The following FIG4 variants were observed in gnomAD, a reference collection of about 807,000 sequenced individuals.
FIG4 encodes the protein polyphosphoinositide phosphatase.
Under a neutral mutation model 118.6 loss-of-function variants are expected in FIG4, and 112 were observed. That is an observed-to-expected ratio of 0.94 (90% CI 0.81 to 1.11). The LOEUF (loss-of-function observed/expected upper bound fraction) is 1.11, where lower values mean the gene tolerates loss of function less well. Ranked by LOEUF, FIG4 falls within the 50% of genes least tolerant of loss-of-function variation. The probability of loss-of-function intolerance (pLI) is 0.00; values close to 1 mark genes in which losing one functional copy is unlikely to be tolerated. For synonymous variants in FIG4, 369 were observed against 381.2 expected (o/e 0.97, Z 0.37); for missense variants, 969 against 1,111.7 (o/e 0.87, Z 1.83).
chr6:109,752,307 A>G (rs991788621), intron 10 of FIG4, among the ~76,000 whole-genome samples: 164 of 151,216 alleles, frequency 1.1e-3, no homozygotes, highest in Non-Finnish European at 1.6e-3. Flanking sequence ...ATACGTGTGC[A>G]TGTGTCTTTA....
At chr6:109,814,232 C>T (rs557626249) in intron 22 of FIG4, among the ~76,000 whole-genome samples, 19 of 152,168 alleles carry the variant, frequency 1.2e-4, no homozygotes, top group Middle Eastern at 3.4e-3. Flanking sequence ...TTGACCTGCC[C>T]GGCTCAAGCG....
At chr6:109,708,880 C>A (rs6906729) in intron 1 of FIG4, among the ~76,000 whole-genome samples, 119,790 of 152,072 alleles carry the variant, frequency 0.79, 47,323 homozygotes, top group African/African-American at 0.86. Flanking sequence ...TCAGATGTAT[C>A]GTTAGTAAAA....
At position 109,743,658 on chromosome 6, in the gene FIG4, T is replaced by A. The variant is rs1476656802; in HGVS notation, c.1040-17T>A. 6 of 1,598,978 alleles carry A rather than the reference T, an allele frequency of 3.8e-6. No homozygotes were observed. In the African/African-American group the frequency reaches 8.0e-5, roughly 21 times the overall value. ...CAATTTTCATTCAGGTGCTTTTTCA[T>A]CTTTTTTCCTTCTCAGTGGATCAGG... On this transcript the variant is annotated splice_polypyrimidine_tract_variant and intron_variant, in intron 9 of 22. Transcript: ENST00000230124.
intron 10 of FIG4, among the ~76,000 whole-genome samples, chr6:109,754,777 G>A (rs1272380257): frequency 2.6e-5 from 4 of 151,976 alleles, no homozygotes; most frequent in Admixed American, 6.6e-5. Context: ...CTGTGGGATC[G>A]GTGGTGATAT....
At chr6:109,815,496 C>CGGGGGGGGGGGGGG (rs58181285) in intron 22 of FIG4, among the ~76,000 whole-genome samples, 3 of 106,516 alleles carry the variant, frequency 2.8e-5, no homozygotes, top group East Asian at 5.2e-4. Flanking sequence ...CTCCAGGCTG[C>CGGGGGGGGGGGGGG]CCCCCCCACC....
chr6:109,812,638 G>A (rs921611206), intron 22 of FIG4, among the ~76,000 whole-genome samples: 2 of 152,168 alleles, frequency 1.3e-5, no homozygotes, highest in African/African-American at 4.8e-5. Context: ...CAACAGGAAG[G>A]TTATTAATGA....
intron 10 of FIG4, among the ~76,000 whole-genome samples, chr6:109,749,253 G>T (rs1776612027): frequency 6.6e-6 from 1 of 151,996 alleles, no homozygotes; most frequent in Non-Finnish European, 1.5e-5. Context: ...AAATCATTCA[G>T]ATATTAAATA....
chr6:109,820,680 G>C (rs1291102225), intron 22 of FIG4, among the ~76,000 whole-genome samples: 1 of 152,096 alleles, frequency 6.6e-6, no homozygotes, highest in Non-Finnish European at 1.5e-5. Flanking sequence ...ATAGAGCCTG[G>C]TCGGTTCTGG....
intron 10 of FIG4, among the ~76,000 whole-genome samples, chr6:109,759,737 A>C (rs1303576208): frequency 6.6e-6 from 1 of 152,230 alleles, no homozygotes; most frequent in Admixed American, 6.5e-5. Context: ...CCACAGTGTA[A>C]AAAGAAAAAG....
chr6:109,731,120 T>G (rs181596228), intron 4 of FIG4, among the ~76,000 whole-genome samples: 9 of 152,320 alleles, frequency 5.9e-5, no homozygotes, highest in Non-Finnish European at 1.5e-5. Context: ...AAATGCAAAT[T>G]AAAAAGGTAC....
chr6:109,763,832 C>CAGCT (rs1326155631), intron 12 of FIG4, 105 bp from the exon 13 acceptor site: 2 of 805,292 alleles, frequency 2.5e-6, no homozygotes, highest in African/African-American at 1.7e-5. Flanking sequence ...CAGGAGCCTT[C>CAGCT]AGCTCTATTA....
intron 22 of FIG4, among the ~76,000 whole-genome samples, chr6:109,804,856 CT>C (rs564555971): frequency 6.6e-6 from 1 of 152,132 alleles, no homozygotes; most frequent in African/African-American, 2.4e-5. Flanking sequence ...TATAAAGAGA[CT>C]TTGAGTTCTT....
At chr6:109,784,932 C>T in intron 16 of FIG4, 38 bp from the exon 17 acceptor site, 1 of 1,129,698 alleles carries the variant, frequency 8.9e-7, no homozygotes, top group Non-Finnish European at 1.3e-6. Flanking sequence ...CCAACATTTA[C>T]ATTTGGTTCA....
intron 14 of FIG4, among the ~76,000 whole-genome samples, chr6:109,765,690 A>G (rs1215803172): frequency 6.6e-6 from 1 of 152,220 alleles, no homozygotes; most frequent in Non-Finnish European, 1.5e-5. Context: ...TTTAAAAAAG[A>G]GTACTGTGTC....
rs1339870115 is a variant in FIG4 at position 109,715,162 on chromosome 6, A to G, written c.151A>G (p.Ile51Val). Residue 51 changes from isoleucine to valine, a missense_variant, in exon 2 of 23, where the codon ATA becomes GTA. Transcript: ENST00000230124. ...IDRTEPKDLVIIDDRHVYTQQ... is the reference protein window; with the variant it reads ...IDRTEPKDLVVIDDRHVYTQQ... ...TAGAACAGAACCAAAAGATTTGGTC[A>G]TAATTGATGACAGGGTAAGTATCCT... The G allele has an allele frequency of 1.9e-6, 3 of 1,592,186 alleles. No individual in the cohort carries two copies. The highest frequency in any genetic ancestry group is 1.7e-5 in the Admixed American group (1 of 59,998).
chr6:109,729,444 C>T (rs905998941), intron 4 of FIG4, among the ~76,000 whole-genome samples: 1 of 152,146 alleles, frequency 6.6e-6, no homozygotes, highest in African/African-American at 2.4e-5. Flanking sequence ...GCCGTCACTA[C>T]TAACATTCAG....
chr6:109,793,592 A>T (rs982345710), intron 21 of FIG4, among the ~76,000 whole-genome samples: 3 of 152,206 alleles, frequency 2.0e-5, no homozygotes, highest in African/African-American at 7.2e-5. Flanking sequence ...AGAAGACTTG[A>T]TTATTGCATA....
At chr6:109,721,321 G>A (rs372469341) in intron 3 of FIG4, among the ~76,000 whole-genome samples, 4 of 151,996 alleles carry the variant, frequency 2.6e-5, no homozygotes, top group Non-Finnish European at 5.9e-5. Context: ...GGTACCTTGC[G>A]GGGGGTTTTG....
chr6:109,792,562 T>C lies in FIG4; in HGVS notation c.2377-20T>C. 3 of 1,120,834 alleles carry C rather than the reference T, an allele frequency of 2.7e-6. No individual in the cohort carries two copies. Among genetic ancestry groups the C allele is most frequent in the Non-Finnish European group, 2.5e-6 (2 of 810,322 alleles). The allele number at this position is 1,120,834 out of a possible 1,614,324, so 69.4% of individuals were successfully genotyped here. On this transcript the variant is annotated intron_variant, in intron 20 of 22. Transcript: ENST00000230124. ...TCTAAAAATTCTTCCTGGTTCTTCTTTTTTTTTTTTAAACCCCAGAATGTG... is the reference window on the plus strand; with the variant it reads ...TCTAAAAATTCTTCCTGGTTCTTCTCTTTTTTTTTTAAACCCCAGAATGTG...
Sources: allele counts gnomAD v4.1 joint callset (sites outside exome capture counted in the v4.1 genomes callset), GRCh38; gene constraint gnomAD v4.1.1; transcripts MANE v1.5; gene names NCBI Gene and HGNC (gene_info 2026-07-23, HGNC 2026-07-21).